The following CSMD1 variants were observed in gnomAD, a reference collection of about 807,000 sequenced individuals.
The protein encoded by CSMD1 is CUB and Sushi multiple domains 1.
In CSMD1, 213 loss-of-function variants were observed where a neutral mutation model predicts 417.5. The observed-to-expected ratio is 0.51, with a 90% CI of 0.46 to 0.57. The LOEUF (loss-of-function observed/expected upper bound fraction) is 0.57. Ranked by LOEUF, CSMD1 falls within the 20% of genes least tolerant of loss-of-function variation. CSMD1 has a pLI of 0.00. For synonymous variants in CSMD1, 2,862 were observed against 1,736.8 expected (o/e 1.65, Z -16.11); for missense variants, 6,923 against 4,529.7 (o/e 1.53, Z -15.17).
At chr8:4,594,493 C>A (rs529045356) in intron 2 of CSMD1, among the ~76,000 whole-genome samples, 1 of 152,080 alleles carries the variant, frequency 6.6e-6, no homozygotes, top group African/African-American at 2.4e-5. Context: ...AGCCACCACA[C>A]CCACCCTGAA....
At position 2,949,290 on chromosome 8, in the gene CSMD1, G is replaced by A. The variant is rs753773868; in HGVS notation, c.10402+9C>T. ...ATTTGCTTTAAAATATATCCTAAGT[G>A]CAACTTACCTTGCCTTTCTAGCTTA... On this transcript the variant is annotated intron_variant, in intron 68 of 69. Coordinates refer to ENST00000635120, the MANE Select transcript of CSMD1 (RefSeq NM_033225.6). 1.5e-5 allele frequency: 23 copies of A among 1,503,830 alleles called. No individual in the cohort carries two copies. The highest frequency in any genetic ancestry group is 8.0e-5 in the South Asian group (7 of 87,984). The allele number at this position is 1,503,830 out of a possible 1,614,324, so 93.2% of individuals were successfully genotyped here.
At chr8:4,926,085 T>C (rs191533805) in intron 1 of CSMD1, among the ~76,000 whole-genome samples, 40 of 152,346 alleles carry the variant, frequency 2.6e-4, no homozygotes, top group African/African-American at 8.7e-4. Context: ...ACTTATTCTT[T>C]TGAATTGTTT....
intron 1 of CSMD1, among the ~76,000 whole-genome samples, chr8:4,794,242 A>C (rs1483079873): frequency 6.6e-6 from 1 of 151,894 alleles, no homozygotes; most frequent in Middle Eastern, 3.4e-3. Flanking sequence ...TTTGTCAGTA[A>C]TATTTTGAAA....
At chr8:3,102,784 G>A (rs143963313) in intron 46 of CSMD1, among the ~76,000 whole-genome samples, 12 of 152,158 alleles carry the variant, frequency 7.9e-5, no homozygotes, top group African/African-American at 2.9e-4. Flanking sequence ...ATTAAAAGCT[G>A]TAAGAGCCAG....
chr8:3,781,033 C>A (rs2720751), intron 5 of CSMD1, among the ~76,000 whole-genome samples: 8 of 151,890 alleles, frequency 5.3e-5, no homozygotes, highest in Non-Finnish European at 8.8e-5. Flanking sequence ...GTAGGGGAAA[C>A]TGAAATCTAA....
At chr8:3,302,443 A>G (rs80287031) in intron 25 of CSMD1, among the ~76,000 whole-genome samples, 9,573 of 152,034 alleles carry the variant, frequency 0.063, 970 homozygotes, top group African/African-American at 0.21. Flanking sequence ...CACCTCAGCT[A>G]TTTCTCCTGT....
At chr8:4,663,779 T>A (rs1804754278) in intron 1 of CSMD1, among the ~76,000 whole-genome samples, 1 of 152,194 alleles carries the variant, frequency 6.6e-6, no homozygotes, top group Non-Finnish European at 1.5e-5. Context: ...AATGGACTAA[T>A]GCACTAAGTG....
intron 3 of CSMD1, among the ~76,000 whole-genome samples, chr8:4,158,674 G>C (rs1046349453): frequency 2.6e-5 from 4 of 152,086 alleles, no homozygotes; most frequent in Non-Finnish European, 5.9e-5. Context: ...GTAATAATGA[G>C]TATTATGGGC....
intron 23 of CSMD1, among the ~76,000 whole-genome samples, chr8:3,322,308 A>G (rs939014247): frequency 7.2e-5 from 11 of 152,298 alleles, no homozygotes; most frequent in African/African-American, 2.6e-4. Flanking sequence ...TTATTCCTTT[A>G]GGTCTGTTAC....
intron 3 of CSMD1, among the ~76,000 whole-genome samples, chr8:4,226,705 A>T (rs2128811263): frequency 6.6e-6 from 1 of 152,230 alleles, no homozygotes; most frequent in East Asian, 1.9e-4. Flanking sequence ...CGTCCTCTTT[A>T]AAAAAGAAAA....
chr8:4,317,677 C>G (rs1256309765), intron 3 of CSMD1, among the ~76,000 whole-genome samples: 1 of 151,948 alleles, frequency 6.6e-6, no homozygotes, highest in Non-Finnish European at 1.5e-5. Context: ...ATCAATAGTT[C>G]TTTATAGACT....
chr8:3,490,939 T>G lies in CSMD1; in HGVS notation c.1448+2684A>C, dbSNP rs761066085. On this transcript the variant is annotated intron_variant, in intron 11 of 69. Coordinates refer to ENST00000635120, the MANE Select transcript of CSMD1 (RefSeq NM_033225.6). The stretch of plus-strand genomic sequence containing the variant: ...ATTATTTGGCAAGGGTGCAGAAAAA[T>G]AGGATCCTTCATGTTCCACTGAGGT... Among the ~76,000 whole-genome samples the G allele has an allele frequency of 2.0e-5, 3 of 152,102 alleles. No individual in the cohort carries two copies. In the East Asian group the frequency reaches 5.8e-4, roughly 29 times the overall value.
chr8:3,409,665 C>A, intron 12 of CSMD1, 60 bp from the exon 13 acceptor site: 2 of 1,342,344 alleles, frequency 1.5e-6, no homozygotes, highest in Non-Finnish European at 2.0e-6. Context: ...ATTTTTATCT[C>A]TACAACTTAG....
At chr8:4,783,794 G>T (rs1797272434) in intron 1 of CSMD1, among the ~76,000 whole-genome samples, 1 of 152,140 alleles carries the variant, frequency 6.6e-6, no homozygotes, top group Admixed American at 6.5e-5. Flanking sequence ...AACTGTGGAG[G>T]CTTTGACACA....
At chr8:3,155,333 T>C (rs1005250498) in intron 39 of CSMD1, among the ~76,000 whole-genome samples, 2 of 147,344 alleles carry the variant, frequency 1.4e-5, no homozygotes, top group African/African-American at 4.9e-5. Context: ...AATTTTTTAA[T>C]TTTTTCCTTC....
intron 3 of CSMD1, among the ~76,000 whole-genome samples, chr8:4,397,614 G>C (rs1044079898): frequency 1.6e-5 from 2 of 123,682 alleles, no homozygotes; most frequent in African/African-American, 6.2e-5. Context: ...ACTTTTATTT[G>C]CTAATGAAAC....
chr8:3,796,196 A>G (rs1800099405), intron 5 of CSMD1, among the ~76,000 whole-genome samples: 1 of 37,542 alleles, frequency 2.7e-5, no homozygotes, highest in Non-Finnish European at 5.0e-5. Flanking sequence ...ATAGATATAG[A>G]TATATATCTA....
chr8:4,558,068 T>A (rs1798174569), intron 2 of CSMD1, among the ~76,000 whole-genome samples: 1 of 152,212 alleles, frequency 6.6e-6, no homozygotes, highest in African/African-American at 2.4e-5. Flanking sequence ...GACTCAGCGA[T>A]GAATCAATCA....
chr8:3,707,082 G>T (rs976155778), intron 7 of CSMD1, among the ~76,000 whole-genome samples: 2 of 152,078 alleles, frequency 1.3e-5, no homozygotes, highest in African/African-American at 4.8e-5. Flanking sequence ...AGGCCCAGGG[G>T]ACATGTTTAC....
Sources: allele counts gnomAD v4.1 joint callset (sites outside exome capture counted in the v4.1 genomes callset), GRCh38; gene constraint gnomAD v4.1.1; transcripts MANE v1.5; gene names NCBI Gene and HGNC (gene_info 2026-07-23, HGNC 2026-07-21).